HPSE: variants seen among roughly 807,000 people sequenced by gnomAD.
The protein encoded by HPSE is heparanase.
Under a neutral mutation model 65.1 loss-of-function variants are expected in HPSE, and 48 were observed. The observed-to-expected ratio is 0.74, with a 90% CI of 0.58 to 0.94. The LOEUF (loss-of-function observed/expected upper bound fraction) is 0.94. Ranked by LOEUF, HPSE falls within the 40% of genes least tolerant of loss-of-function variation. The pLI is 0.00. For missense variants in HPSE, 644 were observed against 637.5 expected, an observed-to-expected ratio of 1.01 and a Z score of -0.11; for synonymous variants, 243 against 260.0, an observed-to-expected ratio of 0.93 and a Z score of 0.63.
intron 11 of HPSE, among the ~76,000 whole-genome samples, chr4:83,299,363 C>CAAAAA (rs757562812): frequency 5.5e-5 from 5 of 90,998 alleles, no homozygotes; most frequent in East Asian, 3.0e-4. Flanking sequence ...GACTCTGTCT[C>CAAAAA]AAAAAAAAAA....
intron 4 of HPSE, among the ~76,000 whole-genome samples, chr4:83,312,437 G>C (rs921097267): frequency 1.3e-5 from 2 of 152,274 alleles, no homozygotes; most frequent in Non-Finnish European, 2.9e-5. Context: ...CACCACTTTG[G>C]GACGCCGAGG....
intron 10 of HPSE, among the ~76,000 whole-genome samples, chr4:83,301,543 C>A (rs1735947975): frequency 6.6e-6 from 1 of 152,152 alleles, no homozygotes; most frequent in Non-Finnish European, 1.5e-5. Context: ...AAAATTAAAT[C>A]TACTGACATT....
chr4:83,308,931 A>G lies in HPSE; in HGVS notation c.1005T>C (p.Pro335=), dbSNP rs1736257004. Residue 335 remains proline, a synonymous_variant, in exon 8 of 12, where the codon CCT becomes CCC. Coordinates refer to ENST00000311412, the MANE Select transcript of HPSE (RefSeq NM_001098540.3). ...TTTCTCCTAACCAGACCTTCTTGCC[A>G]GGCCTGGTGCTCTCAACCACCTATA... ...KVFQVVESTR[P]GKKVWLGETS... The G allele has an allele frequency of 6.2e-7, 1 of 1,614,072 alleles. No homozygotes were observed. Among genetic ancestry groups the G allele is most frequent in the Admixed American group, 1.7e-5 (1 of 60,008 alleles).
At chr4:83,301,603 G>A (rs1735951219) in intron 10 of HPSE, among the ~76,000 whole-genome samples, 1 of 152,028 alleles carries the variant, frequency 6.6e-6, no homozygotes, top group African/African-American at 2.4e-5. Context: ...TTCCTACTGG[G>A]GTCCTCACTA....
intron 3 of HPSE, among the ~76,000 whole-genome samples, chr4:83,314,285 A>C (rs1370285914): frequency 1.7e-5 from 2 of 118,168 alleles, no homozygotes; most frequent in African/African-American, 3.2e-5. Flanking sequence ...AACAAACAAA[A>C]AAAAAAGTAA....
At chr4:83,320,302 C>T (rs1015136237) in intron 2 of HPSE, among the ~76,000 whole-genome samples, 18 of 152,154 alleles carry the variant, frequency 1.2e-4, no homozygotes, top group East Asian at 9.6e-4. Flanking sequence ...CAGTGGCTCA[C>T]GCTTGTAATT....
In HPSE at chr4:83,319,487, C is replaced by A. The variant is rs759410027; in HGVS notation, c.374-18G>T. On this transcript the variant is annotated intron_variant, in intron 2 of 11. Coordinates refer to ENST00000311412, the MANE Select transcript of HPSE (RefSeq NM_001098540.3). ...GCAAATATCTGCAAGTGGAAGAGATCATTTAGAAGGTCTGTTTTCACAGTG... is the reference window on the plus strand; with the variant it reads ...GCAAATATCTGCAAGTGGAAGAGATAATTTAGAAGGTCTGTTTTCACAGTG... 3 of 1,611,442 alleles carry A rather than the reference C, an allele frequency of 1.9e-6. No homozygotes were observed. Among genetic ancestry groups the A allele is most frequent in the South Asian group, 2.2e-5 (2 of 90,968 alleles).
At chr4:83,299,686 T>A (rs1219118837) in intron 11 of HPSE, among the ~76,000 whole-genome samples, 1 of 151,862 alleles carries the variant, frequency 6.6e-6, no homozygotes, top group Non-Finnish European at 1.5e-5. Context: ...TGGTGAGAAT[T>A]TTGTAAACTC....
At chr4:83,309,069 T>C (rs1220724025) in intron 7 of HPSE, 118 bp from the exon 8 acceptor site, 1 of 708,380 alleles carries the variant, frequency 1.4e-6, no homozygotes, top group African/African-American at 1.8e-5. Context: ...CCCTCCTATA[T>C]AGTTATAAAA....
rs149721415 is a variant in HPSE, at chr4:83,301,000, A to G, written c.1432T>C (p.Tyr478His). 2 of 1,609,572 alleles carry G rather than the reference A, an allele frequency of 1.2e-6. No homozygotes were observed. The highest frequency in any genetic ancestry group is 2.7e-5 in the African/African-American group (2 of 74,690). The change falls in exon 11 of 12, where the codon TAC (tyrosine) becomes CAC (histidine). Residue 478 changes from tyrosine to histidine, a missense_variant. Physicochemically the swap from Tyr to His is moderately conservative, Grantham distance 83. Coordinates refer to ENST00000311412, the MANE Select transcript of HPSE (RefSeq NM_001098540.3). ...TGAGGTCCCAAAGGTCTTAGAAGGT[A>G]TTTATCCACTTGCTTGTTAGAAAAA... The part of the protein sequence containing the change: ...YPFSNKQVDK[Y>H]LLRPLGPHGL...
chr4:83,295,302 T>C lies in HPSE; in HGVS notation c.*42A>G. ...ATAACTTGAGTTGCTTTACTCTTAG[T>C]ATACTTGAAAAATTCAGTGTCAGGA... On this transcript the variant is annotated 3_prime_UTR_variant, in exon 12 of 12. Transcript: ENST00000311412. 6.5e-7 allele frequency: 1 copy of C among 1,541,800 alleles called. No homozygotes were observed. Among genetic ancestry groups the C allele is most frequent in the East Asian group, 2.3e-5 (1 of 44,058 alleles).
chr4:83,330,626 T>G (rs2126198601), intron 1 of HPSE, among the ~76,000 whole-genome samples: 1 of 152,350 alleles, frequency 6.6e-6, no homozygotes, highest in East Asian at 1.9e-4. Flanking sequence ...TATTGAAAGT[T>G]TTTATCAGTA....
chr4:83,314,004 G>C (rs1287318146), intron 3 of HPSE, among the ~76,000 whole-genome samples: 2 of 152,160 alleles, frequency 1.3e-5, no homozygotes, highest in Non-Finnish European at 2.9e-5. Flanking sequence ...TGTCATCCTA[G>C]CACTTTGGGA....
chr4:83,313,325 C>A, intron 3 of HPSE, 38 bp from the exon 4 acceptor site: 1 of 1,475,106 alleles, frequency 6.8e-7, no homozygotes, highest in Non-Finnish European at 9.2e-7. Flanking sequence ...GTTAGATTGG[C>A]ACCACAATGA....
intron 9 of HPSE, among the ~76,000 whole-genome samples, chr4:83,303,422 T>C (rs1204001180): frequency 1.0e-5 from 1 of 98,468 alleles, no homozygotes; most frequent in Non-Finnish European, 2.2e-5. Flanking sequence ...CTGATTTGAA[T>C]AACTATCAAC....
chr4:83,302,381 C>T, intron 9 of HPSE, 113 bp from the exon 10 acceptor site: 1 of 667,668 alleles, frequency 1.5e-6, no homozygotes, highest in Non-Finnish European at 2.6e-6. Flanking sequence ...CACTGTTATC[C>T]TGGGGGCATT....
chr4:83,305,675 A>G (rs947019343), intron 9 of HPSE, among the ~76,000 whole-genome samples: 8 of 152,232 alleles, frequency 5.3e-5, no homozygotes, highest in African/African-American at 1.9e-4. Context: ...TTCCTGATTT[A>G]GCACCAGATA....
intron 3 of HPSE, among the ~76,000 whole-genome samples, chr4:83,316,617 G>A (rs1277260806): frequency 6.6e-6 from 1 of 152,166 alleles, no homozygotes; most frequent in Non-Finnish European, 1.5e-5. Context: ...GTGATGAGGG[G>A]AACAGGAGGA....
At chr4:83,299,796 CT>C (rs1164352083) in intron 11 of HPSE, among the ~76,000 whole-genome samples, 1 of 152,070 alleles carries the variant, frequency 6.6e-6, no homozygotes, top group African/African-American at 2.4e-5. Flanking sequence ...CATGACCCCC[CT>C]GGGCTCAAGC....
Sources: allele counts gnomAD v4.1 joint callset (sites outside exome capture counted in the v4.1 genomes callset), GRCh38; gene constraint gnomAD v4.1.1; transcripts MANE v1.5; gene names NCBI Gene and HGNC (gene_info 2026-07-23, HGNC 2026-07-21).